MACROD2: variants seen among roughly 807,000 people sequenced by gnomAD.
MACROD2 encodes mono-ADP ribosylhydrolase 2.
A neutral mutation model predicts 70.4 loss-of-function variants in MACROD2; 36 were observed. The ratio of observed to expected loss-of-function variants is 0.51; its 90% confidence interval spans 0.39 to 0.68. The LOEUF (loss-of-function observed/expected upper bound fraction) is 0.68. Ranked by LOEUF, MACROD2 falls within the 30% of genes least tolerant of loss-of-function variation. MACROD2 has a pLI of 0.00. For missense variants in MACROD2, 496 were observed against 538.4 expected (o/e 0.92, Z 0.78); for synonymous variants, 172 against 178.8 (o/e 0.96, Z 0.30).
chr20:14,415,298 C>T (rs1444928076), intron 3 of MACROD2, among the ~76,000 whole-genome samples: 1 of 151,468 alleles, frequency 6.6e-6, no homozygotes, highest in Non-Finnish European at 1.5e-5. Flanking sequence ...AATCTTTTTA[C>T]TGCCAACTTT....
At chr20:14,353,511 A>C (rs2083143991) in intron 3 of MACROD2, among the ~76,000 whole-genome samples, 1 of 152,092 alleles carries the variant, frequency 6.6e-6, no homozygotes, top group South Asian at 2.1e-4. Flanking sequence ...AGATATTGCA[A>C]AATTTTTAAG....
At chr20:14,015,416 T>G (rs2052974503) in intron 2 of MACROD2, among the ~76,000 whole-genome samples, 6 of 152,104 alleles carry the variant, frequency 3.9e-5, no homozygotes, top group Admixed American at 3.9e-4. Context: ...ACTTCATCTC[T>G]AAAATGAACA....
At chr20:14,332,501 G>T (rs2082863713) in intron 3 of MACROD2, among the ~76,000 whole-genome samples, 2 of 152,046 alleles carry the variant, frequency 1.3e-5, no homozygotes, top group South Asian at 2.1e-4. Flanking sequence ...TAATAGTAGT[G>T]CTAACTTCTT....
chr20:14,287,383 A>AATGATG (rs148121991), intron 3 of MACROD2, among the ~76,000 whole-genome samples: 169 of 151,394 alleles, frequency 1.1e-3, no homozygotes, highest in Non-Finnish European at 1.6e-3. Flanking sequence ...ATGATTAGGA[A>AATGATG]ATGATGATGA....
intron 8 of MACROD2, among the ~76,000 whole-genome samples, chr20:15,574,916 T>C (rs1414948135): frequency 1.3e-5 from 2 of 152,232 alleles, no homozygotes; most frequent in Non-Finnish European, 2.9e-5. Flanking sequence ...TGTTATTTAT[T>C]TTATTACTGA....
chr20:14,933,822 A>G (rs2074317301), intron 5 of MACROD2: 1 of 152,142 alleles, frequency 6.6e-6, no homozygotes, highest in South Asian at 2.1e-4. Flanking sequence ...TATTGAAGGT[A>G]ATGGTTTACT....
At chr20:15,274,964 G>A (rs1458696793) in intron 6 of MACROD2, among the ~76,000 whole-genome samples, 1 of 152,088 alleles carries the variant, frequency 6.6e-6, no homozygotes, top group Non-Finnish European at 1.5e-5. Flanking sequence ...CGAGGCGTGA[G>A]GCATATTCTA....
At chr20:16,005,743 A>G (rs908637648) in intron 15 of MACROD2, among the ~76,000 whole-genome samples, 5 of 152,116 alleles carry the variant, frequency 3.3e-5, no homozygotes, top group Non-Finnish European at 7.4e-5. Flanking sequence ...TTCACCAAGC[A>G]CAGTTGTTGT....
chr20:15,434,692 C>T (rs184121172), intron 7 of MACROD2, among the ~76,000 whole-genome samples: 16 of 152,012 alleles, frequency 1.1e-4, no homozygotes, highest in South Asian at 6.2e-4. Context: ...GAAAAGAAGT[C>T]GTTATATGAG....
chr20:15,590,104 A>G lies in MACROD2; in HGVS notation c.645+90257A>G, dbSNP rs1336240682. Among the ~76,000 whole-genome samples, 3 of 152,204 alleles carry G rather than the reference A, an allele frequency of 2.0e-5. 1 individual carries two copies. Among genetic ancestry groups the G allele is most frequent in the East Asian group, 3.8e-4 (2 of 5,204 alleles). On this transcript the variant is annotated intron_variant, in intron 8 of 17. Transcript: ENST00000684519. ...AAAATACTTAGTATATTATAAAATT[A>G]TCATTTTAATTATTGATAAAGGGAT...
At chr20:15,134,794 G>C (rs2076133789) in intron 5 of MACROD2, among the ~76,000 whole-genome samples, 2 of 152,122 alleles carry the variant, frequency 1.3e-5, no homozygotes, top group African/African-American at 4.8e-5. Flanking sequence ...TTTTTTGAAA[G>C]GATCAACAAA....
At chr20:14,839,768 A>C (rs967301669) in intron 5 of MACROD2, among the ~76,000 whole-genome samples, 8 of 152,092 alleles carry the variant, frequency 5.3e-5, no homozygotes, top group African/African-American at 1.9e-4. Context: ...CCCCCTCCCC[A>C]ACTTCACCAA....
intron 5 of MACROD2, among the ~76,000 whole-genome samples, chr20:14,852,273 A>G (rs914667044): frequency 1.3e-5 from 2 of 152,158 alleles, no homozygotes; most frequent in East Asian, 1.9e-4. Context: ...AGGCCCCCAC[A>G]GTAGTCCGTT....
At chr20:15,931,257 C>T (rs1424858998) in intron 10 of MACROD2, among the ~76,000 whole-genome samples, 1 of 152,156 alleles carries the variant, frequency 6.6e-6, no homozygotes, top group African/African-American at 2.4e-5. Context: ...AGAACCAGAA[C>T]AGGGAAAATA....
At chr20:14,483,805 T>G (rs916552970) in intron 3 of MACROD2, among the ~76,000 whole-genome samples, 11 of 152,174 alleles carry the variant, frequency 7.2e-5, no homozygotes, top group Non-Finnish European at 1.5e-4. Flanking sequence ...TCTAATCTTT[T>G]CTAGCCAAGT....
chr20:14,601,531 A>ATT (rs146459648), intron 4 of MACROD2, among the ~76,000 whole-genome samples: 3 of 149,828 alleles, frequency 2.0e-5, no homozygotes, highest in African/African-American at 7.3e-5. Flanking sequence ...CCAAAACAGT[A>ATT]TTTTTTTTTT....
chr20:15,136,687 G>T (rs1483128102), intron 5 of MACROD2, among the ~76,000 whole-genome samples: 1 of 151,758 alleles, frequency 6.6e-6, no homozygotes, highest in Non-Finnish European at 1.5e-5. Context: ...AAAAGCAATG[G>T]CAACAAAAGC....
intron 5 of MACROD2, among the ~76,000 whole-genome samples, chr20:14,888,922 T>C (rs1037769559): frequency 6.6e-6 from 1 of 152,128 alleles, no homozygotes; most frequent in African/African-American, 2.4e-5. Flanking sequence ...TCCTTCTTCA[T>C]AGAGGGTTTT....
At chr20:14,363,672 T>G in intron 3 of MACROD2, among the ~76,000 whole-genome samples, 2 of 93,100 alleles carry the variant, frequency 2.1e-5, no homozygotes, top group African/African-American at 3.5e-5. Flanking sequence ...TACAAAAAAA[T>G]TAGCCGGGCG....
Sources: gnomAD v4.1 joint callset for allele counts (sites outside exome capture counted in the v4.1 genomes callset) on GRCh38, gnomAD v4.1.1 for gene constraint, MANE v1.5 for transcripts, NCBI Gene and HGNC (gene_info 2026-07-23, HGNC 2026-07-21) for gene names.